The following ATP10B variants were observed in gnomAD, a reference collection of about 807,000 sequenced individuals.
ATP10B encodes ATPase phospholipid transporting 10B (putative).
Under a neutral mutation model 141.2 loss-of-function variants are expected in ATP10B, and 122 were observed. The observed-to-expected ratio is 0.86, with a 90% confidence interval of 0.75 to 1.00. The LOEUF (loss-of-function observed/expected upper bound fraction) is 1.00, where lower values mean the gene tolerates loss of function less well. Ranked by LOEUF, ATP10B falls within the 50% of genes least tolerant of loss-of-function variation. The probability of loss-of-function intolerance (pLI) is 0.00; values close to 1 mark genes in which losing one functional copy is unlikely to be tolerated. For synonymous variants in ATP10B, 685 were observed against 692.0 expected, an observed-to-expected ratio of 0.99 and a Z score of 0.16; for missense variants, 1,876 against 1,825.3, an observed-to-expected ratio of 1.03 and a Z score of -0.51.
chr5:160,866,450 G>A, the ATP10B span, among the ~76,000 whole-genome samples: 1 of 152,060 alleles, frequency 6.6e-6, no homozygotes, highest in Non-Finnish European at 1.5e-5. Context: ...GAGGCAGGTG[G>A]ATCACCTGAA....
intron 24 of ATP10B, among the ~76,000 whole-genome samples, chr5:160,573,403 G>A (rs542995731): frequency 2.3e-4 from 35 of 152,186 alleles, no homozygotes; most frequent in Non-Finnish European, 2.1e-4. Context: ...CTGAGAAGAC[G>A]CAGACAATTC....
At chr5:160,689,966 G>T (rs888216730) in intron 3 of ATP10B, among the ~76,000 whole-genome samples, 1 of 151,908 alleles carries the variant, frequency 6.6e-6, no homozygotes, top group African/African-American at 2.4e-5. Flanking sequence ...ATACTACAAG[G>T]CTACAGTAAC....
chr5:160,838,660 A>T (rs149645837), intron 1 of ATP10B, among the ~76,000 whole-genome samples: 1 of 152,330 alleles, frequency 6.6e-6, no homozygotes, highest in African/African-American at 2.4e-5. Context: ...AAAAAAAGTC[A>T]ACCATTATGC....
intron 13 of ATP10B, among the ~76,000 whole-genome samples, chr5:160,629,445 G>T (rs1305962871): frequency 1.3e-5 from 2 of 152,180 alleles, no homozygotes; most frequent in Non-Finnish European, 2.9e-5. Flanking sequence ...CTTATGGAGG[G>T]TCCCCATCTT....
intron 15 of ATP10B, among the ~76,000 whole-genome samples, chr5:160,618,819 AC>A (rs1758167359): frequency 6.6e-6 from 1 of 151,908 alleles, no homozygotes; most frequent in South Asian, 2.1e-4. Flanking sequence ...CGCTTGTAAA[AC>A]TGAGCTAGGC....
chr5:160,891,508 T>C, the ATP10B span, among the ~76,000 whole-genome samples: 13 of 152,206 alleles, frequency 8.5e-5, 1 homozygote, highest in Admixed American at 7.9e-4. Flanking sequence ...CAGGCTGGAG[T>C]GCAGTGGCGC....
intron 6 of ATP10B, among the ~76,000 whole-genome samples, chr5:160,670,896 G>C (rs1336435900): frequency 6.6e-6 from 1 of 151,988 alleles, no homozygotes; most frequent in Non-Finnish European, 1.5e-5. Context: ...GCCGGGTGTG[G>C]TGGCTCACAC....
chr5:160,598,689 C>G (rs936889188), intron 22 of ATP10B, 81 bp downstream of exon 22: 26 of 1,335,974 alleles, frequency 1.9e-5, no homozygotes, highest in Non-Finnish European at 2.6e-5. Context: ...GCATACAGCT[C>G]TTTCTCTGAT....
intron 24 of ATP10B, among the ~76,000 whole-genome samples, chr5:160,576,032 C>A (rs376628566): frequency 1.3e-5 from 2 of 152,162 alleles, no homozygotes; most frequent in Admixed American, 1.3e-4. Context: ...GCAACCACAG[C>A]GGAAAGACTG....
At chr5:160,902,125 A>G in the ATP10B span, among the ~76,000 whole-genome samples, 2 of 152,206 alleles carry the variant, frequency 1.3e-5, no homozygotes, top group Non-Finnish European at 2.9e-5. Context: ...AACTAAAAAT[A>G]AGCACATTAC....
At chr5:160,873,736 C>T in the ATP10B span, among the ~76,000 whole-genome samples, 2 of 152,356 alleles carry the variant, frequency 1.3e-5, no homozygotes, top group African/African-American at 4.8e-5. Flanking sequence ...TGCAAGGGGT[C>T]AGGGAGGTCC....
At chr5:160,801,356 C>T (rs1772359661) in intron 1 of ATP10B, among the ~76,000 whole-genome samples, 1 of 152,144 alleles carries the variant, frequency 6.6e-6, no homozygotes, top group Admixed American at 6.5e-5. Flanking sequence ...CTCCATTAGC[C>T]TCTCCTTGTA....
intron 2 of ATP10B, among the ~76,000 whole-genome samples, chr5:160,765,420 G>A (rs1021662101): frequency 1.1e-4 from 16 of 152,018 alleles, no homozygotes; most frequent in Non-Finnish European, 4.4e-5. Context: ...AATACTTATA[G>A]CCAATGGATC....
At chr5:160,883,742 C>A in the ATP10B span, among the ~76,000 whole-genome samples, 5 of 151,766 alleles carry the variant, frequency 3.3e-5, no homozygotes, top group African/African-American at 1.2e-4. Context: ...TCAAAACACA[C>A]GCAAAAAGAA....
Position 160,688,912 on chromosome 5 carries a change from C to G in ATP10B, c.-173G>C. On this transcript the variant is annotated 5_prime_UTR_variant, in exon 4 of 26. Coordinates refer to ENST00000327245, the MANE Select transcript of ATP10B (RefSeq NM_025153.3). ...GGCTGGAGTTGGGGATAGGGGATCC[C>G]TTTTCTTTTTCTCCACTCCATTTGG... is the stretch of plus-strand genomic sequence containing the variant. 1 of 985,372 alleles carries G rather than the reference C, an allele frequency of 1.0e-6. No homozygotes were observed. Among genetic ancestry groups the G allele is most frequent in the Non-Finnish European group, 1.2e-6 (1 of 829,932 alleles). The allele number at this position is 985,372 out of a possible 1,614,324, so 61.0% of individuals were successfully genotyped here. A position where few individuals can be genotyped will look rare whatever the true frequency, so the allele number is the denominator to read the frequency against.
intron 2 of ATP10B, among the ~76,000 whole-genome samples, chr5:160,753,097 C>A (rs1375206677): frequency 6.6e-6 from 1 of 152,054 alleles, no homozygotes; most frequent in Admixed American, 6.5e-5. Context: ...TAGGAGTGTG[C>A]CAGGGGATGG....
chr5:160,745,475 A>T (rs1338131679), intron 2 of ATP10B, among the ~76,000 whole-genome samples: 1 of 152,300 alleles, frequency 6.6e-6, no homozygotes, highest in East Asian at 1.9e-4. Context: ...TATTTACAGA[A>T]ATCTATGCAA....
intron 1 of ATP10B, among the ~76,000 whole-genome samples, chr5:160,845,859 C>T (rs781035895): frequency 5.5e-4 from 83 of 152,032 alleles, no homozygotes; most frequent in Non-Finnish European, 2.8e-4. Context: ...AAATAAAAAA[C>T]ATTAAAAAAA....
the ATP10B span, among the ~76,000 whole-genome samples, chr5:160,903,604 G>T: frequency 6.6e-6 from 1 of 152,136 alleles, no homozygotes; most frequent in African/African-American, 2.4e-5. Flanking sequence ...TATTACAGAA[G>T]CCATGCCTAC....
Sources: allele counts gnomAD v4.1 joint callset (sites outside exome capture counted in the v4.1 genomes callset), GRCh38; gene constraint gnomAD v4.1.1; transcripts MANE v1.5; gene names NCBI Gene and HGNC (gene_info 2026-07-23, HGNC 2026-07-21).